The following WWOX variants were observed in gnomAD, a reference collection of about 807,000 sequenced individuals.
WWOX encodes the protein WW domain-containing oxidoreductase.
A neutral mutation model predicts 46.2 loss-of-function variants in WWOX; 69 were observed. That is an observed-to-expected ratio of 1.49 (90% CI 1.23 to 1.82). The LOEUF (loss-of-function observed/expected upper bound fraction) is 1.82. Among genes scored for constraint, WWOX ranks in the 40% most tolerant of loss-of-function variants. The pLI is 0.00. For missense variants in WWOX, 919 were observed against 542.6 expected (o/e 1.69, Z -6.89); for synonymous variants, 359 against 202.6 (o/e 1.77, Z -6.56).
chr16:79,005,130 G>A (rs1026116862), intron 8 of WWOX, among the ~76,000 whole-genome samples: 1 of 152,124 alleles, frequency 6.6e-6, no homozygotes. Context: ...GTCTCCATGT[G>A]GCTTTCTGTC....
chr16:78,259,685 G>A (rs937087940), intron 5 of WWOX, among the ~76,000 whole-genome samples: 2 of 151,424 alleles, frequency 1.3e-5, no homozygotes, highest in African/African-American at 4.9e-5. Flanking sequence ...AAGTATAGAA[G>A]TGGGCATTCT....
chr16:78,753,822 AAAAATATATATATATATATATAT>A (rs1278121459), intron 8 of WWOX, among the ~76,000 whole-genome samples: 1 of 70,294 alleles, frequency 1.4e-5, no homozygotes, highest in Non-Finnish European at 2.8e-5. Flanking sequence ...AAAAAAAAAA[AAAAATATATATATATATATATAT>A]ATATATATAT....
intron 7 of WWOX, among the ~76,000 whole-genome samples, chr16:78,425,847 AAAT>A (rs2083063435): frequency 6.6e-6 from 1 of 152,134 alleles, no homozygotes. Context: ...CTAGAAAAAA[AAAT>A]AACGTGCAAG....
At chr16:78,464,806 T>C (rs926853740) in intron 8 of WWOX, among the ~76,000 whole-genome samples, 2 of 152,086 alleles carry the variant, frequency 1.3e-5, no homozygotes, top group African/African-American at 4.8e-5. Flanking sequence ...TGGGGGGAAA[T>C]GTTAGACCCT....
chr16:78,602,561 A>G (rs1361185200), intron 8 of WWOX, among the ~76,000 whole-genome samples: 2 of 152,144 alleles, frequency 1.3e-5, no homozygotes, highest in African/African-American at 2.4e-5. Flanking sequence ...TTGGCTGACA[A>G]CGAAAGCTGT....
intron 8 of WWOX, among the ~76,000 whole-genome samples, chr16:78,875,392 C>A (rs1226630524): frequency 6.6e-6 from 1 of 152,092 alleles, no homozygotes; most frequent in African/African-American, 2.4e-5. Context: ...AGTGTCTAGT[C>A]CAAATTAGTA....
At chr16:79,132,692 A>C (rs2049905226) in intron 8 of WWOX, among the ~76,000 whole-genome samples, 1 of 152,208 alleles carries the variant, frequency 6.6e-6, no homozygotes, top group Non-Finnish European at 1.5e-5. Flanking sequence ...TGTCGCTTAA[A>C]AAAAACTTTG....
intron 8 of WWOX, among the ~76,000 whole-genome samples, chr16:78,843,471 C>T (rs969037903): frequency 2.0e-5 from 3 of 150,066 alleles, no homozygotes; most frequent in African/African-American, 7.3e-5. Flanking sequence ...GTCAGCTTTG[C>T]CTAAGCTTTG....
At chr16:78,410,533 G>A (rs2082655180) in intron 6 of WWOX, among the ~76,000 whole-genome samples, 1 of 152,032 alleles carries the variant, frequency 6.6e-6, no homozygotes, top group Non-Finnish European at 1.5e-5. Context: ...CTGGGGGCTG[G>A]GCATGGTGGC....
At chr16:78,178,407 C>G (rs891546206) in intron 5 of WWOX, among the ~76,000 whole-genome samples, 3 of 152,240 alleles carry the variant, frequency 2.0e-5, no homozygotes, top group African/African-American at 4.8e-5. Context: ...GTCAAGCAGG[C>G]TGCTACGCTT....
intron 8 of WWOX, among the ~76,000 whole-genome samples, chr16:78,773,274 T>A: frequency 6.6e-6 from 1 of 152,180 alleles, no homozygotes; most frequent in East Asian, 1.9e-4. Flanking sequence ...CCCATGTTCC[T>A]TCTACTACAA....
chr16:78,569,710 G>A (rs567623049), intron 8 of WWOX, among the ~76,000 whole-genome samples: 1 of 152,214 alleles, frequency 6.6e-6, no homozygotes, highest in Non-Finnish European at 1.5e-5. Context: ...CTGCAATAAC[G>A]ATACTAATTT....
intron 4 of WWOX, among the ~76,000 whole-genome samples, chr16:78,153,605 G>A (rs1046710797): frequency 2.0e-5 from 3 of 152,092 alleles, no homozygotes; most frequent in African/African-American, 7.2e-5. Flanking sequence ...TGTTTGTGGG[G>A]CGGGGCTGGA....
At position 78,772,534 on chromosome 16, in the gene WWOX, T is replaced by C. The variant is rs190801753; in HGVS notation, c.1056+339782T>C. ...TTGGTTAATGTGATGACTTCTGGGTTCTGCAGTGTGAAGTTATTATCTTCC... is the reference window on the plus strand; with the variant it reads ...TTGGTTAATGTGATGACTTCTGGGTCCTGCAGTGTGAAGTTATTATCTTCC... On this transcript the variant is annotated intron_variant, in intron 8 of 8. Transcript: ENST00000566780. 2.4e-3 allele frequency among the ~76,000 whole-genome samples: 373 copies of C among 152,334 alleles called. 2 individuals are homozygous for C. Among genetic ancestry groups the C allele is most frequent in the Non-Finnish European group, 4.2e-3 (287 of 68,034 alleles).
chr16:78,977,227 C>T (rs1265347247), intron 8 of WWOX, among the ~76,000 whole-genome samples: 2 of 152,192 alleles, frequency 1.3e-5, no homozygotes, highest in African/African-American at 4.8e-5. Context: ...CAGGAGAGCC[C>T]TGAGAGCTCT....
intron 8 of WWOX, among the ~76,000 whole-genome samples, chr16:78,879,158 C>A (rs990224606): frequency 6.6e-6 from 1 of 152,030 alleles, no homozygotes; most frequent in Non-Finnish European, 1.5e-5. Flanking sequence ...ATAAGAAAAT[C>A]GAAGTTGAGG....
intron 8 of WWOX, among the ~76,000 whole-genome samples, chr16:79,171,768 T>A (rs1180763735): frequency 6.6e-6 from 1 of 152,204 alleles, no homozygotes; most frequent in Admixed American, 6.5e-5. Context: ...AAGTTCATTG[T>A]CTTATTTTTT....
chr16:78,598,797 T>G (rs78282905), intron 8 of WWOX, among the ~76,000 whole-genome samples: 5,618 of 152,256 alleles, frequency 0.037, 157 homozygotes, highest in Middle Eastern at 0.088. Context: ...TTGGCTTTTG[T>G]GCTTGGTGAG....
At chr16:78,731,755 C>G (rs1033206427) in intron 8 of WWOX, among the ~76,000 whole-genome samples, 3 of 151,986 alleles carry the variant, frequency 2.0e-5, no homozygotes, top group African/African-American at 7.3e-5. Flanking sequence ...CAGTAGTTCC[C>G]TGTCATGAAT....
Sources: gnomAD v4.1 joint callset for allele counts (sites outside exome capture counted in the v4.1 genomes callset) on GRCh38, gnomAD v4.1.1 for gene constraint, MANE v1.5 for transcripts, NCBI Gene and HGNC (gene_info 2026-07-23, HGNC 2026-07-21) for gene names.